CCSER1: variants seen among roughly 807,000 people sequenced by gnomAD.
CCSER1 encodes coiled-coil serine rich protein 1.
Under a neutral mutation model 82.0 loss-of-function variants are expected in CCSER1, and 41 were observed. The observed-to-expected ratio is 0.50, with a 90% CI of 0.39 to 0.65. CCSER1 has a LOEUF of 0.65. CCSER1 is among the 30% of genes least tolerant of loss of function. The probability of loss-of-function intolerance (pLI) is 0.00; values close to 1 mark genes in which losing one functional copy is unlikely to be tolerated. For synonymous variants in CCSER1, 414 were observed against 383.9 expected (o/e 1.08, Z -0.92); for missense variants, 1,119 against 1,064.2 (o/e 1.05, Z -0.72).
intron 5 of CCSER1, among the ~76,000 whole-genome samples, chr4:90,616,547 T>C (rs1721241309): frequency 6.6e-6 from 1 of 151,694 alleles, no homozygotes; most frequent in Admixed American, 6.6e-5. Context: ...TAGTCGGGTG[T>C]GGTAGCACAC....
At chr4:90,325,438 G>A (rs1256901359) in intron 3 of CCSER1, among the ~76,000 whole-genome samples, 1 of 152,074 alleles carries the variant, frequency 6.6e-6, no homozygotes, top group African/African-American at 2.4e-5. Context: ...AACTAAGATT[G>A]TTTATCTTTT....
chr4:90,347,394 A>G (rs979533554), intron 3 of CCSER1, among the ~76,000 whole-genome samples: 1 of 152,162 alleles, frequency 6.6e-6, no homozygotes, highest in East Asian at 1.9e-4. Flanking sequence ...TAGTTTACCT[A>G]ATAGGGACTA....
chr4:91,096,324 G>A (rs1365202265), intron 10 of CCSER1, among the ~76,000 whole-genome samples: 1 of 152,134 alleles, frequency 6.6e-6, no homozygotes, highest in Non-Finnish European at 1.5e-5. Flanking sequence ...TAAAGGTGGG[G>A]CACTGTTGGT....
intron 10 of CCSER1, among the ~76,000 whole-genome samples, chr4:91,554,845 C>A (rs375512967): frequency 4.6e-5 from 7 of 151,038 alleles, no homozygotes; most frequent in Non-Finnish European, 7.4e-5. Context: ...ACATATAGAA[C>A]AATGAAACAA....
At chr4:91,374,609 A>G (rs1750269511) in intron 10 of CCSER1, among the ~76,000 whole-genome samples, 1 of 152,242 alleles carries the variant, frequency 6.6e-6, no homozygotes, top group Admixed American at 6.5e-5. Context: ...GAAATGAACA[A>G]GAAGATTAAT....
At chr4:91,165,841 C>T (rs1560484031) in intron 10 of CCSER1, among the ~76,000 whole-genome samples, 1 of 152,224 alleles carries the variant, frequency 6.6e-6, no homozygotes, top group Non-Finnish European at 1.5e-5. Flanking sequence ...TCTGTCATGG[C>T]TTCCCTTGGC....
intron 10 of CCSER1, among the ~76,000 whole-genome samples, chr4:91,238,786 G>T (rs1034663050): frequency 2.0e-5 from 3 of 152,024 alleles, no homozygotes; most frequent in African/African-American, 7.2e-5. Context: ...AAAACGGTTT[G>T]CATTTACTCA....
chr4:90,167,294 T>G (rs1277018933), intron 1 of CCSER1, among the ~76,000 whole-genome samples: 5 of 152,198 alleles, frequency 3.3e-5, no homozygotes, highest in Non-Finnish European at 5.9e-5. Flanking sequence ...GAGTTAATTT[T>G]AAGGATACTA....
Position 91,380,722 on chromosome 4 carries a change from A to C in CCSER1, c.2218-217850A>C, listed in dbSNP as rs185832517. ...TCTGATTTGCCAGTGTGTGTCTTTT[A>C]ATTGGAGCATTTAGCCCATTTACAT... On this transcript the variant is annotated intron_variant, in intron 10 of 10. Transcript: ENST00000509176. 5.3e-3 allele frequency among the ~76,000 whole-genome samples: 813 copies of C among 152,250 alleles called. 7 individuals are homozygous for C. The highest frequency in any genetic ancestry group is 8.1e-3 in the Non-Finnish European group (548 of 68,020).
chr4:90,336,905 T>A (rs940135879), intron 3 of CCSER1, among the ~76,000 whole-genome samples: 4 of 152,210 alleles, frequency 2.6e-5, no homozygotes, highest in African/African-American at 9.6e-5. Flanking sequence ...TGGCTGATGT[T>A]TATTAATCTA....
chr4:91,185,177 A>G (rs895304976), intron 10 of CCSER1, among the ~76,000 whole-genome samples: 1 of 152,210 alleles, frequency 6.6e-6, no homozygotes, highest in Admixed American at 6.5e-5. Flanking sequence ...GATTTACCCA[A>G]TAAGCTGCTT....
intron 8 of CCSER1, among the ~76,000 whole-genome samples, chr4:90,912,488 A>G (rs979552001): frequency 3.9e-5 from 6 of 152,184 alleles, no homozygotes; most frequent in African/African-American, 1.4e-4. Context: ...CCCCATCTAT[A>G]CGTCACCATC....
intron 10 of CCSER1, among the ~76,000 whole-genome samples, chr4:91,111,920 T>C (rs1433114709): frequency 6.6e-6 from 1 of 151,740 alleles, no homozygotes; most frequent in African/African-American, 2.4e-5. Flanking sequence ...CTGTCCATTT[T>C]ATATGCAGTC....
rs539691912 is a variant in CCSER1, at chr4:90,438,099, A to C, written c.1604-30135A>C. Among the ~76,000 whole-genome samples, 3 of 152,248 alleles carry C rather than the reference A, an allele frequency of 2.0e-5. No homozygotes were observed. In the East Asian group the frequency reaches 5.8e-4, roughly 29 times the overall value. Reference sequence around the variant, plus strand: ...AAGAAATAGCACATTGAAAAAGCTTATTGCTATACTTGATACAGAAAAGTC... The same window carrying C: ...AAGAAATAGCACATTGAAAAAGCTTCTTGCTATACTTGATACAGAAAAGTC... On this transcript the variant is annotated intron_variant, in intron 4 of 10. Transcript: ENST00000509176.
chr4:90,262,161 A>G (rs1029066624), intron 1 of CCSER1, among the ~76,000 whole-genome samples: 4 of 152,074 alleles, frequency 2.6e-5, no homozygotes, highest in Non-Finnish European at 5.9e-5. Flanking sequence ...GGGGATATTA[A>G]AGAACCCTGT....
intron 10 of CCSER1, among the ~76,000 whole-genome samples, chr4:91,380,692 CTT>C (rs1211162099): frequency 6.6e-6 from 1 of 152,142 alleles, no homozygotes; most frequent in Non-Finnish European, 1.5e-5. Context: ...GGTCTTGACT[CTT>C]TATCTGATTT....
chr4:91,215,432 A>G (rs1210912629), intron 10 of CCSER1, among the ~76,000 whole-genome samples: 2 of 152,178 alleles, frequency 1.3e-5, no homozygotes, highest in South Asian at 2.1e-4. Context: ...GACTCACATG[A>G]TCACAAGGTG....
At chr4:90,817,356 G>A (rs1346810282) in intron 8 of CCSER1, among the ~76,000 whole-genome samples, 1 of 151,948 alleles carries the variant, frequency 6.6e-6, no homozygotes, top group Non-Finnish European at 1.5e-5. Context: ...GTTATGATCA[G>A]TTTTAAAACA....
In CCSER1 at chr4:91,331,147, G is replaced by A. The variant is rs531067436; in HGVS notation, c.2217+245153G>A. Among the ~76,000 whole-genome samples the A allele has an allele frequency of 1.2e-4, 19 of 152,230 alleles. No individual in the cohort carries two copies. In the South Asian group the frequency reaches 3.9e-3, roughly 32 times the overall value. On this transcript the variant is annotated intron_variant, in intron 10 of 10. Transcript: ENST00000509176. ...ATTCATAGAATGTTGGAAATGGAAA[G>A]TATCTTAGAAGGTATCCAGTCTAAC...
Sources: gnomAD v4.1 joint callset for allele counts (sites outside exome capture counted in the v4.1 genomes callset) on GRCh38, gnomAD v4.1.1 for gene constraint, MANE v1.5 for transcripts, NCBI Gene and HGNC (gene_info 2026-07-23, HGNC 2026-07-21) for gene names.